Variants in HIVEP3 observed in about 807,000 individuals in gnomAD.
HIVEP3 encodes transcription factor HIVEP3.
In HIVEP3, 49 loss-of-function variants were observed where a neutral mutation model predicts 152.8. That is an observed-to-expected ratio of 0.32 (90% CI 0.26 to 0.41). HIVEP3 has a LOEUF of 0.41. Among genes scored for constraint, HIVEP3 ranks in the 10% least tolerant of loss-of-function variants. HIVEP3 has a pLI of 1.00. For missense variants in HIVEP3, 2,790 were observed against 3,103.3 expected (o/e 0.90, Z 2.40); for synonymous variants, 1,269 against 1,289.0 (o/e 0.98, Z 0.33).
chr1:41,705,960 T>G (rs544518153), intron 1 of HIVEP3, among the ~76,000 whole-genome samples: 1 of 152,342 alleles, frequency 6.6e-6, no homozygotes, highest in East Asian at 1.9e-4. Context: ...CAAATCCAAC[T>G]GGTAGCCTGT....
chr1:41,657,309 C>T (rs929670592), intron 2 of HIVEP3, among the ~76,000 whole-genome samples: 13 of 152,194 alleles, frequency 8.5e-5, no homozygotes, highest in Admixed American at 2.0e-4. Flanking sequence ...CTCACATCCT[C>T]GTCTCTGAGC....
rs752879215 is a variant in HIVEP3, at chr1:41,518,351, T to C, written c.5470+51A>G. The C allele has an allele frequency of 1.2e-5, 18 of 1,477,584 alleles. No homozygotes were observed. The South Asian group carries it at 1.4e-4, about 11-fold the overall frequency. The allele number at this position is 1,477,584 out of a possible 1,614,324, so 91.5% of individuals were successfully genotyped here. On this transcript the variant is annotated intron_variant, in intron 7 of 8. Coordinates refer to ENST00000372583, the MANE Select transcript of HIVEP3 (RefSeq NM_024503.5). ...GGCAAGCAGGAAAGGTGGAGGAGGA[T>C]AGGGAAAGCGGACAAGGGGAAAGGG...
At chr1:41,871,570 T>C (rs1310159982) in intron 1 of HIVEP3, among the ~76,000 whole-genome samples, 2 of 152,126 alleles carry the variant, frequency 1.3e-5, no homozygotes, top group Non-Finnish European at 2.9e-5. Flanking sequence ...ACAATGAAAA[T>C]GTAGATTCAG....
chr1:41,861,133 G>A (rs774540187), intron 1 of HIVEP3, among the ~76,000 whole-genome samples: 23 of 152,196 alleles, frequency 1.5e-4, no homozygotes, highest in Non-Finnish European at 3.1e-4. Flanking sequence ...CCGTCAGTAT[G>A]GGCAGAATGG....
At chr1:41,888,088 T>G (rs1301154242) in intron 1 of HIVEP3, among the ~76,000 whole-genome samples, 2 of 147,446 alleles carry the variant, frequency 1.4e-5, no homozygotes, top group African/African-American at 2.5e-5. Flanking sequence ...CAGGCTGGAG[T>G]GCAGTGGCGT....
intron 1 of HIVEP3, among the ~76,000 whole-genome samples, chr1:41,998,615 T>G: frequency 6.6e-6 from 1 of 152,274 alleles, no homozygotes; most frequent in Non-Finnish European, 1.5e-5. Flanking sequence ...AATGTAAAAT[T>G]AAGCATAAAT....
intron 2 of HIVEP3, among the ~76,000 whole-genome samples, chr1:41,686,185 C>A (rs887017785): frequency 2.6e-5 from 4 of 152,096 alleles, no homozygotes; most frequent in African/African-American, 9.7e-5. Flanking sequence ...GATTCTCATG[C>A]CTCAGTCTCC....
At chr1:42,025,531 CT>C (rs1175707165) in intron 1 of HIVEP3, among the ~76,000 whole-genome samples, 1 of 152,186 alleles carries the variant, frequency 6.6e-6, no homozygotes. Flanking sequence ...TTCATTGCTT[CT>C]GTTGTTTCTC....
intron 3 of HIVEP3, among the ~76,000 whole-genome samples, chr1:41,622,182 G>A (rs893527475): frequency 2.0e-5 from 3 of 152,212 alleles, no homozygotes; most frequent in Admixed American, 1.3e-4. Context: ...CCGAATCCCT[G>A]CCTAGAGGGG....
At chr1:41,569,967 G>GT (rs1644227648) in intron 5 of HIVEP3, among the ~76,000 whole-genome samples, 1 of 152,256 alleles carries the variant, frequency 6.6e-6, no homozygotes, top group African/African-American at 2.4e-5. Context: ...CAGTTCTGCA[G>GT]TATGCGCTGT....
At chr1:41,995,494 A>T (rs1343659818) in intron 1 of HIVEP3, among the ~76,000 whole-genome samples, 3 of 152,226 alleles carry the variant, frequency 2.0e-5, no homozygotes, top group African/African-American at 7.2e-5. Flanking sequence ...CTCTAAAAGA[A>T]ATTCTGAAGA....
chr1:41,643,436 C>A (rs1042885539), intron 2 of HIVEP3, among the ~76,000 whole-genome samples: 5 of 152,256 alleles, frequency 3.3e-5, no homozygotes, highest in Non-Finnish European at 5.9e-5. Flanking sequence ...ATGCAGTCAG[C>A]CTGCTGTGAA....
chr1:41,778,746 G>A (rs1204670875), intron 1 of HIVEP3, among the ~76,000 whole-genome samples: 1 of 152,232 alleles, frequency 6.6e-6, no homozygotes, highest in African/African-American at 2.4e-5. Flanking sequence ...TTATGTGCTA[G>A]AGGGGAGGTG....
chr1:41,927,589 C>T (rs1252481082), intron 1 of HIVEP3, among the ~76,000 whole-genome samples: 1 of 152,130 alleles, frequency 6.6e-6, no homozygotes, highest in Non-Finnish European at 1.5e-5. Context: ...GTGTTCATGC[C>T]TCTCTACATA....
intron 1 of HIVEP3, among the ~76,000 whole-genome samples, chr1:41,950,245 A>G (rs919868852): frequency 2.0e-5 from 3 of 152,180 alleles, no homozygotes; most frequent in Non-Finnish European, 2.9e-5. Context: ...GGCAATGGCT[A>G]CCCTCTTTGG....
chr1:41,654,477 AT>A (rs1645600936), intron 2 of HIVEP3, among the ~76,000 whole-genome samples: 1 of 152,206 alleles, frequency 6.6e-6, no homozygotes, highest in Non-Finnish European at 1.5e-5. Flanking sequence ...TAAAATGTTC[AT>A]TTTTGGAATA....
intron 2 of HIVEP3, among the ~76,000 whole-genome samples, chr1:41,682,549 T>C (rs1298267863): frequency 6.6e-6 from 1 of 152,162 alleles, no homozygotes; most frequent in Non-Finnish European, 1.5e-5. Context: ...TTACAGACTT[T>C]CCAGAAACAC....
chr1:41,650,644 A>G (rs1386033676), intron 2 of HIVEP3, among the ~76,000 whole-genome samples: 2 of 151,680 alleles, frequency 1.3e-5, no homozygotes, highest in African/African-American at 4.8e-5. Context: ...CCTATTTCCC[A>G]GATGAAACCA....
intron 2 of HIVEP3, among the ~76,000 whole-genome samples, chr1:41,692,126 G>A (rs1259631325): frequency 6.6e-6 from 1 of 152,260 alleles, no homozygotes; most frequent in Non-Finnish European, 1.5e-5. Context: ...TTACAGGCGC[G>A]AGCCACTGCG....
Sources: gnomAD v4.1 joint callset for allele counts (sites outside exome capture counted in the v4.1 genomes callset) on GRCh38, gnomAD v4.1.1 for gene constraint, MANE v1.5 for transcripts, NCBI Gene and HGNC (gene_info 2026-07-23, HGNC 2026-07-21) for gene names.